ARHGAP15: variants seen among roughly 807,000 people sequenced by gnomAD.
The protein encoded by ARHGAP15 is Rho GTPase activating protein 15.
In ARHGAP15, 51 loss-of-function variants were observed where a neutral mutation model predicts 63.7. The observed-to-expected ratio is 0.80, with a 90% CI of 0.64 to 1.01. ARHGAP15 has a LOEUF of 1.01. Ranked by LOEUF, ARHGAP15 falls within the 50% of genes least tolerant of loss-of-function variation. The pLI is 0.00. For missense variants in ARHGAP15, 560 were observed against 564.6 expected, an observed-to-expected ratio of 0.99 and a Z score of 0.08; for synonymous variants, 191 against 193.8, an observed-to-expected ratio of 0.99 and a Z score of 0.12.
intron 11 of ARHGAP15, among the ~76,000 whole-genome samples, chr2:143,571,247 C>A (rs1210191245): frequency 6.6e-6 from 1 of 152,128 alleles, no homozygotes; most frequent in Non-Finnish European, 1.5e-5. Flanking sequence ...ATAAGGTGTA[C>A]AATAAATGTA....
intron 12 of ARHGAP15, among the ~76,000 whole-genome samples, chr2:143,629,883 T>A (rs1196631515): frequency 4.6e-5 from 7 of 152,128 alleles, no homozygotes; most frequent in African/African-American, 1.7e-4. Context: ...GTAAGCTATT[T>A]AAAAAGAAAT....
Position 143,189,117 on chromosome 2 carries a change from C to A in ARHGAP15, c.166-13017C>A, listed in dbSNP as rs181245869. Among the ~76,000 whole-genome samples, 19 of 152,136 alleles carry A rather than the reference C, an allele frequency of 1.2e-4. 1 individual carries two copies. Among genetic ancestry groups the A allele is most frequent in the Admixed American group, 2.0e-4 (3 of 15,278 alleles). ...AACAGATTATTTAATTATAGGTGGA[C>A]AATATTTTCTCCTCAAATTTTGAAA... On this transcript the variant is annotated intron_variant, in intron 2 of 13. Coordinates refer to ENST00000295095, the MANE Select transcript of ARHGAP15 (RefSeq NM_018460.4).
chr2:143,315,631 AAC>A (rs1278211822), intron 6 of ARHGAP15, among the ~76,000 whole-genome samples: 1 of 152,218 alleles, frequency 6.6e-6, no homozygotes, highest in Non-Finnish European at 1.5e-5. Context: ...AGCCAGAAAT[AAC>A]AGTTACAGAA....
At chr2:143,708,280 T>C (rs893766217) in intron 13 of ARHGAP15, among the ~76,000 whole-genome samples, 2 of 152,218 alleles carry the variant, frequency 1.3e-5, no homozygotes, top group African/African-American at 4.8e-5. Context: ...TCAATGTATT[T>C]TTTAAATGTA....
intron 6 of ARHGAP15, among the ~76,000 whole-genome samples, chr2:143,397,986 G>T (rs1378314370): frequency 6.6e-6 from 1 of 151,634 alleles, no homozygotes; most frequent in Non-Finnish European, 1.5e-5. Flanking sequence ...ACTCCTCTCT[G>T]CCTTGAAATG....
chr2:143,721,639 A>T (rs1189232502), intron 13 of ARHGAP15, among the ~76,000 whole-genome samples: 3 of 152,224 alleles, frequency 2.0e-5, no homozygotes, highest in Non-Finnish European at 2.9e-5. Context: ...TTTTCCTTCA[A>T]ATGTTTGCAA....
intron 1 of ARHGAP15, among the ~76,000 whole-genome samples, chr2:143,153,837 T>TCCTCCTCCTCCTCCTCCTCCTCC (rs1558779549): frequency 2.8e-5 from 2 of 72,212 alleles, no homozygotes; most frequent in Middle Eastern, 8.1e-3. Context: ...CTTCTTCTTC[T>TCCTCCTCCTCCTCCTCCTCCTCC]TCTTCTTCCT....
chr2:143,347,813 GA>G (rs1358710279), intron 6 of ARHGAP15, among the ~76,000 whole-genome samples: 3 of 67,370 alleles, frequency 4.5e-5, no homozygotes, highest in South Asian at 4.9e-4. Flanking sequence ...TTGACTTCGT[GA>G]TTTTTTTTTT....
intron 12 of ARHGAP15, among the ~76,000 whole-genome samples, chr2:143,693,096 T>G (rs1193924201): frequency 6.6e-6 from 1 of 152,152 alleles, no homozygotes; most frequent in Non-Finnish European, 1.5e-5. Flanking sequence ...GTTTCTTCAT[T>G]CATATCCCCC....
rs1339701894 is a variant in ARHGAP15, at chr2:143,213,299, A to T, written c.235-3085A>T. On this transcript the variant is annotated intron_variant, in intron 3 of 13. Coordinates refer to ENST00000295095, the MANE Select transcript of ARHGAP15 (RefSeq NM_018460.4). ...GAGGCCGAGGTGGGTGGATCACCTGAGGTCGAGAGTTCAAGACCAGCCTGA... is the reference window on the plus strand; with the variant it reads ...GAGGCCGAGGTGGGTGGATCACCTGTGGTCGAGAGTTCAAGACCAGCCTGA... 2.6e-5 allele frequency among the ~76,000 whole-genome samples: 4 copies of T among 152,210 alleles called. No individual in the cohort carries two copies. In the East Asian group the frequency reaches 7.7e-4, roughly 29 times the overall value.
Position 143,192,567 on chromosome 2 carries a change from C to G in ARHGAP15, c.166-9567C>G, listed in dbSNP as rs570799881. ...TGTCTGCTGTCTGCTAACAAGCATTCATATGCTTTGGATCATTAAAGTCAC... is the reference window on the plus strand; with the variant it reads ...TGTCTGCTGTCTGCTAACAAGCATTGATATGCTTTGGATCATTAAAGTCAC... On this transcript the variant is annotated intron_variant, in intron 2 of 13. Coordinates refer to ENST00000295095, the MANE Select transcript of ARHGAP15 (RefSeq NM_018460.4). Among the ~76,000 whole-genome samples the G allele has an allele frequency of 3.3e-5, 5 of 152,328 alleles. No homozygotes were observed. The East Asian group carries it at 9.6e-4, about 29-fold the overall frequency.
chr2:143,236,434 C>A (rs2104933442), intron 5 of ARHGAP15: 1 of 152,518 alleles, frequency 6.6e-6, no homozygotes, highest in Middle Eastern at 3.4e-3. Context: ...TATTATTGAG[C>A]ATCTCTTATG....
chr2:143,325,924 C>T (rs1297857256), intron 6 of ARHGAP15, among the ~76,000 whole-genome samples: 3 of 152,110 alleles, frequency 2.0e-5, no homozygotes, highest in Non-Finnish European at 4.4e-5. Flanking sequence ...AAAAGTAAAT[C>T]CTTTCCCTAA....
intron 10 of ARHGAP15, among the ~76,000 whole-genome samples, chr2:143,542,993 C>T (rs186011887): frequency 2.7e-4 from 41 of 150,750 alleles, no homozygotes; most frequent in African/African-American, 9.2e-4. Context: ...GTAAATATTG[C>T]TGTAATAAAA....
chr2:143,718,068 G>A (rs1684886083), intron 13 of ARHGAP15, among the ~76,000 whole-genome samples: 1 of 152,038 alleles, frequency 6.6e-6, no homozygotes, highest in Non-Finnish European at 1.5e-5. Flanking sequence ...ACTTAACACA[G>A]GGTATCTGCA....
At chr2:143,230,132 A>T (rs1268461576) in intron 5 of ARHGAP15, among the ~76,000 whole-genome samples, 2 of 152,094 alleles carry the variant, frequency 1.3e-5, no homozygotes, top group African/African-American at 2.4e-5. Flanking sequence ...ATGAGCTCTA[A>T]GGGGGAAGTC....
At chr2:143,216,741 A>C (rs1692772980) in intron 4 of ARHGAP15, among the ~76,000 whole-genome samples, 1 of 152,252 alleles carries the variant, frequency 6.6e-6, no homozygotes, top group Non-Finnish European at 1.5e-5. Flanking sequence ...TGTGATTGAA[A>C]GATTAGAGAA....
chr2:143,609,258 A>G (rs1007681657), intron 11 of ARHGAP15, among the ~76,000 whole-genome samples: 1 of 152,182 alleles, frequency 6.6e-6, no homozygotes, highest in Admixed American at 6.5e-5. Context: ...TACTGGCTCA[A>G]TTCTCTCTCT....
chr2:143,375,726 T>G (rs74536628), intron 6 of ARHGAP15, among the ~76,000 whole-genome samples: 627 of 152,302 alleles, frequency 4.1e-3, no homozygotes, highest in African/African-American at 0.015. Context: ...GCAAACCCAC[T>G]GATAATACTG....
Sources: allele counts gnomAD v4.1 joint callset (sites outside exome capture counted in the v4.1 genomes callset), GRCh38; gene constraint gnomAD v4.1.1; transcripts MANE v1.5; gene names NCBI Gene and HGNC (gene_info 2026-07-23, HGNC 2026-07-21).